The following NDUFA3 variants were observed in gnomAD, a reference collection of about 807,000 sequenced individuals.
NDUFA3 encodes NADH dehydrogenase [ubiquinone] 1 alpha subcomplex subunit 3.
NDUFA3 carries 10 observed loss-of-function variants against 11.4 expected under a neutral mutation model. The ratio of observed to expected loss-of-function variants is 0.87; its 90% CI spans 0.54 to 1.48. The LOEUF (loss-of-function observed/expected upper bound fraction) is 1.48, where lower values mean the gene tolerates loss of function less well. Ranked by LOEUF, NDUFA3 falls within the 40% of genes most tolerant of loss-of-function variation. The pLI, the probability that NDUFA3 is intolerant of heterozygous loss-of-function variation, is 0.00. For missense variants in NDUFA3, 115 were observed against 110.5 expected (o/e 1.04, Z -0.18); for synonymous variants, 39 against 46.9 (o/e 0.83, Z 0.68).
intron 1 of NDUFA3, 96 bp downstream of exon 1, chr19:54,102,984 G>C: frequency 6.5e-7 from 1 of 1,546,770 alleles, no homozygotes; most frequent in Non-Finnish European, 8.8e-7. Flanking sequence ...GGGTGGAAGC[G>C]ATGGGGTCCG....
At chr19:54,103,652 C>T (rs2073161933) in intron 2 of NDUFA3, among the ~76,000 whole-genome samples, 1 of 151,884 alleles carries the variant, frequency 6.6e-6, no homozygotes, top group African/African-American at 2.4e-5. Flanking sequence ...ACCGGAGTTC[C>T]TGCAGGGATG....
At chr19:54,103,045 G>A in intron 1 of NDUFA3, 69 bp from the exon 2 acceptor site, 1 of 1,562,830 alleles carries the variant, frequency 6.4e-7, no homozygotes, top group Non-Finnish European at 8.7e-7. Flanking sequence ...GGGCAGGGGT[G>A]GCACGAGAGG....
At chr19:54,104,128 C>T (rs1162944167) in intron 2 of NDUFA3, among the ~76,000 whole-genome samples, 1 of 145,594 alleles carries the variant, frequency 6.9e-6, no homozygotes, top group Non-Finnish European at 1.5e-5. Context: ...CCACCGCGCC[C>T]GGCCAGCTTT....
rs761741146 is a variant in NDUFA3, at chr19:54,106,098, G to A, written c.163+87G>A. On this transcript the variant is annotated intron_variant, in intron 3 of 3. Coordinates refer to ENST00000485876, the MANE Select transcript of NDUFA3 (RefSeq NM_004542.4). ...GCAGTTATGGGCAGGTCTTTCCTAA[G>A]CAGTTATCAGAGATTCTGCAGTGGT... The A allele has an allele frequency of 6.8e-6, 9 of 1,332,934 alleles. No homozygotes were observed. In the Admixed American group the frequency reaches 1.6e-4, roughly 23 times the overall value. 82.6% of individuals were successfully genotyped at this position (1,332,934 alleles called of 1,614,324 possible). A position where few individuals can be genotyped will look rare whatever the true frequency, so the allele number is the denominator to read the frequency against.
At position 54,103,202 on chromosome 19, in the gene NDUFA3, C is replaced by G; in HGVS notation, c.85+14C>G. On this transcript the variant is annotated intron_variant, in intron 2 of 3. Transcript: ENST00000485876. ...TCGGGGGCCTCGGTGCGTGAGTGCT[C>G]CAGGCGCAAACTTGCATCGTCCACC... The G allele has an allele frequency of 6.3e-7, 1 of 1,582,884 alleles. No homozygotes were observed. Among genetic ancestry groups the G allele is most frequent in the Non-Finnish European group, 8.6e-7 (1 of 1,160,980 alleles).
intron 2 of NDUFA3, chr19:54,105,551 G>T: frequency 2.4e-6 from 1 of 420,930 alleles, no homozygotes; most frequent in Non-Finnish European, 4.9e-6. Flanking sequence ...TTACAGGCTT[G>T]AGCCACTGTG....
intron 1 of NDUFA3, 23 bp from the exon 2 acceptor site, chr19:54,103,091 G>C (rs780183219): frequency 2.9e-5 from 46 of 1,610,176 alleles, no homozygotes; most frequent in Non-Finnish European, 3.8e-5. Context: ...TTGCAGGGGT[G>C]ACGCTTCTTG....
At chr19:54,105,263 GCTT>G (rs1438550711) in intron 2 of NDUFA3, among the ~76,000 whole-genome samples, 2 of 38,998 alleles carry the variant, frequency 5.1e-5, no homozygotes, top group Non-Finnish European at 5.4e-5. Context: ...AGTTTGTAAG[GCTT>G]TTTTTTTTTT....
intron 2 of NDUFA3, among the ~76,000 whole-genome samples, chr19:54,104,561 T>TA (rs2073198598): frequency 6.6e-6 from 1 of 152,130 alleles, no homozygotes; most frequent in Non-Finnish European, 1.5e-5. Context: ...ACTTATTCAG[T>TA]ATGGCAGCCA....
Position 54,103,168 on chromosome 19 carries a change from C to T in NDUFA3, c.65C>T (p.Ser22Phe), listed in dbSNP as rs1190661213. 1 of 1,601,944 alleles carries T rather than the reference C, an allele frequency of 6.2e-7. No homozygotes were observed. The change falls in exon 2 of 4, where the codon TCC becomes TTC. Residue 22 changes from serine to phenylalanine, a missense_variant. Ser to Phe is a radical substitution (Grantham distance 155). Transcript: ENST00000485876. Reference sequence around the variant, plus strand: ...GACAAGGAGCCAGTGCTGGTCGTGTCCTTCGTCGTCGGGGGCCTCGGTGCG... The same window carrying T: ...GACAAGGAGCCAGTGCTGGTCGTGTTCTTCGTCGTCGGGGGCCTCGGTGCG... ...AWDKEPVLVV[S>F]FVVGGLAVIL...
chr19:54,105,264 CTTTTTT>C (rs796770972), intron 2 of NDUFA3, among the ~76,000 whole-genome samples: 3 of 71,258 alleles, frequency 4.2e-5, no homozygotes, highest in African/African-American at 6.0e-5. Context: ...GTTTGTAAGG[CTTTTTT>C]TTTTTTTTTT....
At chr19:54,105,264 CTTTTTTT>C (rs796770972) in intron 2 of NDUFA3, among the ~76,000 whole-genome samples, 1 of 71,258 alleles carries the variant, frequency 1.4e-5, no homozygotes, top group Non-Finnish European at 2.5e-5. Flanking sequence ...GTTTGTAAGG[CTTTTTTT>C]TTTTTTTTTT....
At chr19:54,104,069 G>C (rs1277199741) in intron 2 of NDUFA3, among the ~76,000 whole-genome samples, 1 of 150,546 alleles carries the variant, frequency 6.6e-6, no homozygotes, top group East Asian at 1.9e-4. Context: ...TCCTAACCTC[G>C]TGATCCTCCC....
chr19:54,105,880 C>A (rs2073243995), intron 2 of NDUFA3, 54 bp from the exon 3 acceptor site: 5 of 1,474,574 alleles, frequency 3.4e-6, no homozygotes, highest in Non-Finnish European at 4.7e-6. Context: ...ACCTTCTCTT[C>A]CCCTCTCTTC....
At chr19:54,106,221 C>G (rs1374902547) in intron 3 of NDUFA3, 2 of 576,932 alleles carry the variant, frequency 3.5e-6, no homozygotes, top group East Asian at 3.0e-5. Context: ...TTTTTTGAGA[C>G]AGAGTCTCGC....
chr19:54,103,620 C>T (rs866539862), intron 2 of NDUFA3, among the ~76,000 whole-genome samples: 2 of 152,078 alleles, frequency 1.3e-5, no homozygotes, highest in African/African-American at 4.8e-5. Flanking sequence ...CCTGGAACTG[C>T]CCTACTCACA....
At chr19:54,105,263 G>GATTTTTT (rs1201834834) in intron 2 of NDUFA3, among the ~76,000 whole-genome samples, 16 of 38,992 alleles carry the variant, frequency 4.1e-4, no homozygotes, top group South Asian at 7.8e-4. Flanking sequence ...AGTTTGTAAG[G>GATTTTTT]CTTTTTTTTT....
At chr19:54,104,326 C>G (rs752173312) in intron 2 of NDUFA3, among the ~76,000 whole-genome samples, 28 of 151,602 alleles carry the variant, frequency 1.8e-4, no homozygotes, top group Non-Finnish European at 2.1e-4. Flanking sequence ...TTAGTAGAGA[C>G]AAGGTTTCAC....
chr19:54,105,450 G>T (rs1280875250), intron 2 of NDUFA3: 17 of 235,102 alleles, frequency 7.2e-5, no homozygotes, highest in African/African-American at 3.9e-4. Flanking sequence ...CGTATCTTTA[G>T]TAGAGATGGG....
Sources: gnomAD v4.1 joint callset for allele counts (sites outside exome capture counted in the v4.1 genomes callset) on GRCh38, gnomAD v4.1.1 for gene constraint, MANE v1.5 for transcripts, NCBI Gene and HGNC (gene_info 2026-07-23, HGNC 2026-07-21) for gene names.